The following CCNY variants were observed in gnomAD, a reference collection of about 807,000 sequenced individuals.
CCNY encodes cyclin Y.
A neutral mutation model predicts 42.8 loss-of-function variants in CCNY; 19 were observed. That is an observed-to-expected ratio of 0.44 (90% confidence interval 0.31 to 0.65). The LOEUF (loss-of-function observed/expected upper bound fraction) is 0.65, where lower values mean the gene tolerates loss of function less well. CCNY is among the 30% of genes least tolerant of loss of function. CCNY has a pLI of 0.07. For synonymous variants in CCNY, 165 were observed against 162.7 expected, an observed-to-expected ratio of 1.01 and a Z score of -0.11; for missense variants, 370 against 437.3, an observed-to-expected ratio of 0.85 and a Z score of 1.37.
At chr10:35,508,457 A>G (rs1168857122) in intron 3 of CCNY, among the ~76,000 whole-genome samples, 1 of 152,188 alleles carries the variant, frequency 6.6e-6, no homozygotes, top group Non-Finnish European at 1.5e-5. Flanking sequence ...TTTCAGGCTC[A>G]TCTTGTACCT....
chr10:35,484,484 G>T (rs190471561), intron 2 of CCNY, among the ~76,000 whole-genome samples: 1 of 152,254 alleles, frequency 6.6e-6, no homozygotes, highest in East Asian at 1.9e-4. Context: ...GAATAAATTA[G>T]TATAGGCATC....
intron 1 of CCNY, among the ~76,000 whole-genome samples, chr10:35,365,836 A>AT (rs1443039739): frequency 6.6e-6 from 1 of 152,202 alleles, no homozygotes; most frequent in Non-Finnish European, 1.5e-5. Context: ...TTATCTGAAA[A>AT]TTATTTCAAA....
Position 35,566,816 on chromosome 10 carries a change from C to T in CCNY, c.909+631C>T, listed in dbSNP as rs1035354150. On this transcript the variant is annotated intron_variant, in intron 9 of 9. Coordinates refer to ENST00000374704, the MANE Select transcript of CCNY (RefSeq NM_145012.6). ...CGCCCCCTGGGTTCAAGTGATTCTTCTGCCTCAGCCTCCCTAGTAGCTGGG... is the reference window on the plus strand; with the variant it reads ...CGCCCCCTGGGTTCAAGTGATTCTTTTGCCTCAGCCTCCCTAGTAGCTGGG... Among the ~76,000 whole-genome samples, 7 of 152,138 alleles carry T rather than the reference C, an allele frequency of 4.6e-5. 1 individual carries two copies. The South Asian group carries it at 1.0e-3, about 22-fold the overall frequency.
At chr10:35,298,365 T>C (rs1835495504) in intron 3 of CCNY, among the ~76,000 whole-genome samples, 1 of 152,232 alleles carries the variant, frequency 6.6e-6, no homozygotes. Flanking sequence ...TGTGTCACTA[T>C]TGATTAGTTT....
chr10:35,344,183 A>G (rs1836248714), intron 1 of CCNY, among the ~76,000 whole-genome samples: 1 of 152,184 alleles, frequency 6.6e-6, no homozygotes, highest in Non-Finnish European at 1.5e-5. Flanking sequence ...TTCCTGAAGA[A>G]AGGAGAGGCT....
intron 3 of CCNY, among the ~76,000 whole-genome samples, chr10:35,269,649 G>C (rs1835138329): frequency 7.3e-6 from 1 of 136,374 alleles, no homozygotes; most frequent in Non-Finnish European, 1.6e-5. Context: ...TTTTTTTTGA[G>C]ATGGAGTCTC....
chr10:35,499,884 TG>T (rs1840076697), intron 2 of CCNY, among the ~76,000 whole-genome samples: 2 of 152,202 alleles, frequency 1.3e-5, no homozygotes, highest in Admixed American at 6.5e-5. Context: ...CTTGGCTACA[TG>T]TATAATAGTT....
chr10:35,253,088 T>C (rs2095713079), intron 3 of CCNY, among the ~76,000 whole-genome samples: 1 of 152,186 alleles, frequency 6.6e-6, no homozygotes, highest in Non-Finnish European at 1.5e-5. Context: ...TGAGAACAAA[T>C]GAAGTTCACT....
intron 8 of CCNY, among the ~76,000 whole-genome samples, chr10:35,565,110 T>C (rs1397797413): frequency 1.3e-5 from 2 of 152,206 alleles, no homozygotes; most frequent in Non-Finnish European, 2.9e-5. Context: ...CCAGAGGAAC[T>C]ATCTAGAAAT....
chr10:35,522,137 C>A (rs1840559750), intron 4 of CCNY, among the ~76,000 whole-genome samples: 1 of 152,154 alleles, frequency 6.6e-6, no homozygotes, highest in African/African-American at 2.4e-5. Context: ...TAGAAAAAAA[C>A]CCAAGGACAG....
At chr10:35,488,285 C>G (rs1460039602) in intron 2 of CCNY, among the ~76,000 whole-genome samples, 1 of 152,134 alleles carries the variant, frequency 6.6e-6, no homozygotes, top group African/African-American at 2.4e-5. Context: ...TGTGGCTGTC[C>G]TCATTGGGGT....
At chr10:35,493,914 G>A (rs1262218100) in intron 2 of CCNY, among the ~76,000 whole-genome samples, 1 of 152,206 alleles carries the variant, frequency 6.6e-6, no homozygotes, top group Non-Finnish European at 1.5e-5. Context: ...ACTTGGGTCT[G>A]TGCCATCTTC....
chr10:35,424,609 A>T (rs1838227342), intron 1 of CCNY, among the ~76,000 whole-genome samples: 1 of 152,150 alleles, frequency 6.6e-6, no homozygotes, highest in Non-Finnish European at 1.5e-5. Flanking sequence ...CACTCATCTC[A>T]TTTGATGCTC....
intron 3 of CCNY, among the ~76,000 whole-genome samples, chr10:35,514,177 A>T (rs1396723800): frequency 6.6e-6 from 1 of 151,944 alleles, no homozygotes; most frequent in Non-Finnish European, 1.5e-5. Flanking sequence ...TGGGGTTCAG[A>T]TCAAGAGAAG....
chr10:35,474,469 C>G (rs1013004599), intron 1 of CCNY, among the ~76,000 whole-genome samples: 1 of 152,216 alleles, frequency 6.6e-6, no homozygotes, highest in Admixed American at 6.5e-5. Context: ...CAGACTGCCT[C>G]CTCAAGTGGG....
intron 1 of CCNY, among the ~76,000 whole-genome samples, chr10:35,421,077 G>A (rs367842289): frequency 6.6e-6 from 1 of 152,134 alleles, no homozygotes; most frequent in Non-Finnish European, 1.5e-5. Context: ...TGCCAGTGCC[G>A]GCTCTGCTTT....
intron 1 of CCNY, among the ~76,000 whole-genome samples, chr10:35,427,984 G>A (rs1388385161): frequency 6.6e-6 from 1 of 152,150 alleles, no homozygotes; most frequent in South Asian, 2.1e-4. Flanking sequence ...CTATTACCTA[G>A]TGGTGAAGAT....
intron 1 of CCNY, among the ~76,000 whole-genome samples, chr10:35,445,015 C>T (rs536239764): frequency 6.6e-6 from 1 of 152,204 alleles, no homozygotes; most frequent in Admixed American, 6.5e-5. Flanking sequence ...TCAGGGTGAT[C>T]AGTGGTGCCA....
intron 1 of CCNY, among the ~76,000 whole-genome samples, chr10:35,480,488 T>G (rs181670987): frequency 7.2e-5 from 11 of 152,264 alleles, no homozygotes. Flanking sequence ...CACCCTGAGC[T>G]TCTATGACAG....
Sources: allele counts gnomAD v4.1 joint callset (sites outside exome capture counted in the v4.1 genomes callset), GRCh38; gene constraint gnomAD v4.1.1; transcripts MANE v1.5; gene names NCBI Gene and HGNC (gene_info 2026-07-23, HGNC 2026-07-21).